CUX1: variants seen among roughly 807,000 people sequenced by gnomAD.
CUX1 encodes protein CASP.
Under a neutral mutation model 158.8 loss-of-function variants are expected in CUX1, and 31 were observed. That is an observed-to-expected ratio of 0.20 (90% CI 0.15 to 0.26). The LOEUF is 0.26. CUX1 is among the 10% of genes least tolerant of loss of function. The pLI is 1.00. For missense variants in CUX1, 1,589 were observed against 2,014.6 expected (o/e 0.79, Z 4.04); for synonymous variants, 879 against 862.1 (o/e 1.02, Z -0.34).
intron 2 of CUX1, among the ~76,000 whole-genome samples, chr7:101,972,885 G>C (rs1167087203): frequency 6.6e-6 from 1 of 152,170 alleles, no homozygotes; most frequent in Non-Finnish European, 1.5e-5. Flanking sequence ...TGCCTGTGAG[G>C]GAGTCGTGAC....
intron 3 of CUX1, among the ~76,000 whole-genome samples, chr7:102,064,338 C>T (rs998551295): frequency 2.6e-5 from 4 of 152,166 alleles, no homozygotes; most frequent in African/African-American, 7.2e-5. Flanking sequence ...GCATGAGCAA[C>T]GGTGCCGGCT....
At chr7:101,821,849 G>GGTT (rs1792648859) in intron 1 of CUX1, among the ~76,000 whole-genome samples, 1 of 69,788 alleles carries the variant, frequency 1.4e-5, no homozygotes, top group African/African-American at 5.8e-5. Flanking sequence ...TAGTTTTTTT[G>GGTT]TTTTTTTGTT....
intron 1 of CUX1, among the ~76,000 whole-genome samples, chr7:101,858,640 T>C (rs1562936240): frequency 6.6e-6 from 1 of 150,870 alleles, no homozygotes; most frequent in Non-Finnish European, 1.5e-5. Context: ...GGGTATACTT[T>C]GGCCCTTAGA....
At chr7:102,274,377 A>G (rs2132810706) in intron 16 of CUX1, 5 of 1,366,190 alleles carry the variant, frequency 3.7e-6, no homozygotes, top group Non-Finnish European at 4.1e-6. Flanking sequence ...ATACCGCCTG[A>G]GAACACAGAT....
intron 1 of CUX1, among the ~76,000 whole-genome samples, chr7:101,827,938 G>A (rs1441310454): frequency 6.6e-6 from 1 of 151,636 alleles, no homozygotes; most frequent in Non-Finnish European, 1.5e-5. Flanking sequence ...AGGTGGAGGG[G>A]GAGTCGGGAG....
At chr7:101,920,792 T>C (rs1274143747) in intron 2 of CUX1, among the ~76,000 whole-genome samples, 1 of 152,190 alleles carries the variant, frequency 6.6e-6, no homozygotes, top group Non-Finnish European at 1.5e-5. Context: ...CCATTCCCTA[T>C]TGAATTAAGA....
intron 14 of CUX1, among the ~76,000 whole-genome samples, chr7:102,268,292 T>C (rs1446651232): frequency 1.3e-5 from 2 of 152,314 alleles, no homozygotes; most frequent in East Asian, 3.9e-4. Flanking sequence ...TTACTGCTCT[T>C]CCACCAGTTC....
intron 23 of CUX1, among the ~76,000 whole-genome samples, chr7:102,242,055 G>A (rs966527082): frequency 5.2e-4 from 79 of 152,324 alleles, no homozygotes; most frequent in Non-Finnish European, 1.5e-4. Context: ...AGGGAGGCCA[G>A]CAGTTAGAAC....
chr7:102,146,198 G>C (rs1483941794), intron 8 of CUX1, among the ~76,000 whole-genome samples: 1 of 152,180 alleles, frequency 6.6e-6, no homozygotes, highest in Non-Finnish European at 1.5e-5. Flanking sequence ...GGCACTGTGC[G>C]GTCTCAGGAG....
At chr7:101,823,131 A>G (rs1456826848) in intron 1 of CUX1, among the ~76,000 whole-genome samples, 2 of 152,112 alleles carry the variant, frequency 1.3e-5, no homozygotes, top group Non-Finnish European at 2.9e-5. Context: ...TTTTGTGTTG[A>G]TTAGAGCCTC....
At chr7:102,065,053 G>A (rs1377538506) in intron 3 of CUX1, among the ~76,000 whole-genome samples, 1 of 152,120 alleles carries the variant, frequency 6.6e-6, no homozygotes, top group Non-Finnish European at 1.5e-5. Context: ...TGCAGAGGGA[G>A]GATGGACTAA....
At chr7:101,862,542 C>T (rs944862941) in intron 1 of CUX1, among the ~76,000 whole-genome samples, 1 of 152,176 alleles carries the variant, frequency 6.6e-6, no homozygotes, top group Non-Finnish European at 1.5e-5. Context: ...GAAGGCCCTT[C>T]TGTTGGGCTG....
intron 2 of CUX1, among the ~76,000 whole-genome samples, chr7:101,943,964 T>TAAAAAAA (rs5886208): frequency 1.4e-5 from 2 of 138,254 alleles, no homozygotes. Context: ...ATTTAAAAAT[T>TAAAAAAA]AAAAAAAAAA....
intron 2 of CUX1, among the ~76,000 whole-genome samples, chr7:101,995,398 A>C (rs1815716576): frequency 6.6e-6 from 1 of 152,220 alleles, no homozygotes; most frequent in Non-Finnish European, 1.5e-5. Context: ...ATGTGTCTCT[A>C]TCCCTCCTTC....
At chr7:102,027,954 G>C (rs891112157) in intron 2 of CUX1, 144 bp from the exon 3 acceptor site, 2 of 696,510 alleles carry the variant, frequency 2.9e-6, no homozygotes, top group Non-Finnish European at 4.9e-6. Context: ...TTTTAGGAGT[G>C]CAGGAATGGG....
rs1422929525 is a variant in CUX1, at chr7:102,249,711, AAG to A, written c.*671_*672del. The A allele has an allele frequency of 3.9e-5, 38 of 985,528 alleles. No individual in the cohort carries two copies. Among genetic ancestry groups the A allele is most frequent in the African/African-American group, 1.2e-4 (7 of 57,246 alleles). The allele number at this position is 985,528 out of a possible 1,614,324, so 61.0% of individuals were successfully genotyped here. ...GTGGGATTTTTCAGAAAAATTAAAA[AAG>A]AAAGTTTTTGTAGCTGTTCAGTTGC... On this transcript the variant is annotated 3_prime_UTR_variant, in exon 24 of 24. Coordinates refer to ENST00000292535, the MANE Select transcript of CUX1 (RefSeq NM_181552.4).
chr7:102,187,239 A>C (rs1360270392), intron 11 of CUX1, among the ~76,000 whole-genome samples: 12 of 151,640 alleles, frequency 7.9e-5, no homozygotes, highest in African/African-American at 2.9e-4. Context: ...AGGAACCTGG[A>C]ATCTCGGCAC....
intron 1 of CUX1, among the ~76,000 whole-genome samples, chr7:101,887,458 C>T (rs577308886): frequency 1.4e-4 from 21 of 152,152 alleles, no homozygotes; most frequent in African/African-American, 5.1e-4. Context: ...AAGTGTGAGC[C>T]ACCATGCCTG....
At position 102,205,144 on chromosome 7, in the gene CUX1, C is replaced by T. The variant is rs781824471; in HGVS notation, c.3104C>T (p.Pro1035Leu). 6 of 1,611,918 alleles carry T rather than the reference C, an allele frequency of 3.7e-6. No homozygotes were observed. Among genetic ancestry groups the T allele is most frequent in the Middle Eastern group, 1.9e-4 (1 of 5,274 alleles). ...CACTCCGTGACATCGCTCCAGGACCCGCTGCAGCAGGGCTGTGTGAGCTCA... is the reference window on the plus strand; with the variant it reads ...CACTCCGTGACATCGCTCCAGGACCTGCTGCAGCAGGGCTGTGTGAGCTCA... ...VLHSVTSLQD[P>L]LQQGCVSSES... Residue 1035 changes from proline to leucine, a missense_variant, in exon 20 of 24, where the codon CCG (proline) becomes CTG (leucine). By Grantham distance (98) the Pro-to-Leu change is moderately conservative. Coordinates refer to ENST00000292535, the MANE Select transcript of CUX1 (RefSeq NM_181552.4).
Sources: gnomAD v4.1 joint callset for allele counts (sites outside exome capture counted in the v4.1 genomes callset) on GRCh38, gnomAD v4.1.1 for gene constraint, MANE v1.5 for transcripts, NCBI Gene and HGNC (gene_info 2026-07-23, HGNC 2026-07-21) for gene names.